Variants in DLG2 observed in about 807,000 individuals in gnomAD.
DLG2 encodes the protein discs large MAGUK scaffold protein 2, also known as disks large homolog 2.
Under a neutral mutation model 132.5 loss-of-function variants are expected in DLG2, and 45 were observed. The ratio of observed to expected loss-of-function variants is 0.34; its 90% CI spans 0.27 to 0.44. The LOEUF (loss-of-function observed/expected upper bound fraction) is 0.44, where lower values mean the gene tolerates loss of function less well. DLG2 is among the 20% of genes least tolerant of loss of function. The pLI is 1.00. For synonymous variants in DLG2, 424 were observed against 419.6 expected, an observed-to-expected ratio of 1.01 and a Z score of -0.13; for missense variants, 1,045 against 1,196.9, an observed-to-expected ratio of 0.87 and a Z score of 1.87.
intron 6 of DLG2, among the ~76,000 whole-genome samples, chr11:84,987,227 G>A (rs2056598234): frequency 6.6e-6 from 1 of 152,042 alleles, no homozygotes; most frequent in Non-Finnish European, 1.5e-5. Context: ...CCTCTAGCAA[G>A]ATAAACTACA....
intron 7 of DLG2, among the ~76,000 whole-genome samples, chr11:84,458,739 G>T (rs1331082717): frequency 2.7e-5 from 4 of 150,564 alleles, no homozygotes; most frequent in Non-Finnish European, 6.0e-5. Flanking sequence ...TTTACGATTA[G>T]AATGTCCTTC....
In DLG2 at chr11:85,508,214, C is replaced by T. The variant is rs554503386; in HGVS notation, c.40+90443G>A. Among the ~76,000 whole-genome samples, 31 of 152,172 alleles carry T rather than the reference C, an allele frequency of 2.0e-4. 1 individual carries two copies. Among genetic ancestry groups the T allele is most frequent in the African/African-American group, 3.6e-4 (15 of 41,518 alleles). ...CATGTGAAGCTTACTTATGTCAACTCGTCAAAGTCACTCTCCATCCAGCTT... is the reference window on the plus strand; with the variant it reads ...CATGTGAAGCTTACTTATGTCAACTTGTCAAAGTCACTCTCCATCCAGCTT... On this transcript the variant is annotated intron_variant, in intron 3 of 27. Coordinates refer to ENST00000376104, the MANE Select transcript of DLG2 (RefSeq NM_001142699.3).
intron 6 of DLG2, among the ~76,000 whole-genome samples, chr11:84,714,695 A>T (rs145897211): frequency 0.013 from 1,738 of 133,216 alleles, 46 homozygotes; most frequent in African/African-American, 0.048. Context: ...CCCACCCAAG[A>T]CTTTCCCTTC....
At chr11:85,368,533 G>A (rs77612117) in intron 3 of DLG2, among the ~76,000 whole-genome samples, 5,303 of 152,164 alleles carry the variant, frequency 0.035, 142 homozygotes, top group Admixed American at 0.049. Flanking sequence ...TCTCTCACCC[G>A]GAGTATTTCA....
chr11:84,148,937 T>C (rs2095191990), intron 9 of DLG2, among the ~76,000 whole-genome samples: 1 of 152,206 alleles, frequency 6.6e-6, no homozygotes, highest in African/African-American at 2.4e-5. Flanking sequence ...GGTATCTCAC[T>C]GTGGTTTTGA....
At chr11:85,445,292 A>C (rs758896708) in intron 3 of DLG2, among the ~76,000 whole-genome samples, 4 of 152,174 alleles carry the variant, frequency 2.6e-5, no homozygotes, top group Non-Finnish European at 4.4e-5. Flanking sequence ...TGTTTTTGAG[A>C]GGGTTTAGAC....
At chr11:83,715,430 C>G (rs150439191) in intron 18 of DLG2, among the ~76,000 whole-genome samples, 13 of 152,248 alleles carry the variant, frequency 8.5e-5, no homozygotes, top group African/African-American at 1.2e-4. Context: ...AACCTGGGAA[C>G]GACTATAAGT....
intron 3 of DLG2, among the ~76,000 whole-genome samples, chr11:85,316,858 T>C (rs890463629): frequency 6.6e-6 from 1 of 151,928 alleles, no homozygotes; most frequent in African/African-American, 2.4e-5. Flanking sequence ...TAAATAAAAG[T>C]ACGGTCCCCA....
chr11:84,652,932 G>GTTTT (rs539310938), intron 6 of DLG2, among the ~76,000 whole-genome samples: 1 of 136,162 alleles, frequency 7.3e-6, no homozygotes, highest in Non-Finnish European at 1.6e-5. Flanking sequence ...AATATTGGAG[G>GTTTT]TTTTTTTTTT....
intron 18 of DLG2, among the ~76,000 whole-genome samples, chr11:83,655,724 C>G (rs1379390564): frequency 6.6e-6 from 1 of 152,132 alleles, no homozygotes; most frequent in Non-Finnish European, 1.5e-5. Context: ...GCTCAGGAAA[C>G]AGCTCCCCAC....
chr11:84,635,438 C>T (rs999856867), intron 6 of DLG2, among the ~76,000 whole-genome samples: 18 of 152,114 alleles, frequency 1.2e-4, no homozygotes, highest in South Asian at 4.2e-4. Context: ...CAGGCGTGCA[C>T]GGAAAGCTAA....
chr11:84,514,351 A>G (rs1379361810), intron 7 of DLG2, among the ~76,000 whole-genome samples: 1 of 152,046 alleles, frequency 6.6e-6, no homozygotes, highest in East Asian at 1.9e-4. Flanking sequence ...GTATATACCT[A>G]AAAGAAAGGA....
intron 21 of DLG2, among the ~76,000 whole-genome samples, chr11:83,512,392 C>G (rs996414446): frequency 6.6e-6 from 1 of 152,142 alleles, no homozygotes; most frequent in African/African-American, 2.4e-5. Context: ...AATATCTACT[C>G]CTGTTCAAGA....
chr11:84,619,551 G>A (rs1006017409), intron 6 of DLG2, among the ~76,000 whole-genome samples: 11 of 151,192 alleles, frequency 7.3e-5, no homozygotes, highest in Non-Finnish European at 1.0e-4. Flanking sequence ...AAGAGAAAAT[G>A]ACAACACTAG....
At chr11:85,561,031 T>A (rs2077205209) in intron 3 of DLG2, among the ~76,000 whole-genome samples, 1 of 149,156 alleles carries the variant, frequency 6.7e-6, no homozygotes, top group Non-Finnish European at 1.5e-5. Context: ...CAACATCCTA[T>A]GTCAAAAAAA....
intron 9 of DLG2, among the ~76,000 whole-genome samples, chr11:84,101,714 G>C (rs992937024): frequency 6.6e-6 from 1 of 152,018 alleles, no homozygotes; most frequent in African/African-American, 2.4e-5. Context: ...ATGTAATTTG[G>C]GTCAAGCTCT....
At chr11:84,926,944 T>C (rs891223136) in intron 6 of DLG2, among the ~76,000 whole-genome samples, 4 of 152,040 alleles carry the variant, frequency 2.6e-5, no homozygotes, top group African/African-American at 7.2e-5. Context: ...AGTGTGTATG[T>C]ATGTTTTTCT....
chr11:83,911,418 C>T (rs1356295446), intron 15 of DLG2, among the ~76,000 whole-genome samples: 1 of 152,100 alleles, frequency 6.6e-6, no homozygotes, highest in Admixed American at 6.6e-5. Flanking sequence ...TAATTTTCTA[C>T]TCCTCATGTA....
intron 4 of DLG2, among the ~76,000 whole-genome samples, chr11:85,236,035 C>T (rs72947963): frequency 0.083 from 12,624 of 151,486 alleles, 660 homozygotes; most frequent in African/African-American, 0.14. Context: ...GAGGGAAGGA[C>T]CAAGCAGATA....
Sources: allele counts gnomAD v4.1 joint callset (sites outside exome capture counted in the v4.1 genomes callset), GRCh38; gene constraint gnomAD v4.1.1; transcripts MANE v1.5; gene names NCBI Gene and HGNC (gene_info 2026-07-23, HGNC 2026-07-21).